Variants in CBLB observed in about 807,000 individuals in gnomAD.
CBLB encodes Cbl proto-oncogene B, also known as E3 ubiquitin-protein ligase CBL-B.
CBLB carries 31 observed loss-of-function variants against 104.9 expected under a neutral mutation model. The observed-to-expected ratio is 0.30, with a 90% confidence interval of 0.22 to 0.40. CBLB has a LOEUF of 0.40. Ranked by LOEUF, CBLB falls within the 10% of genes least tolerant of loss-of-function variation. CBLB has a pLI of 1.00. For missense variants in CBLB, 1,062 were observed against 1,214.6 expected, an observed-to-expected ratio of 0.87 and a Z score of 1.87; for synonymous variants, 440 against 422.6, an observed-to-expected ratio of 1.04 and a Z score of -0.51.
At chr3:105,730,662 T>C (rs1328407222) in intron 9 of CBLB, among the ~76,000 whole-genome samples, 1 of 152,080 alleles carries the variant, frequency 6.6e-6, no homozygotes, top group Non-Finnish European at 1.5e-5. Flanking sequence ...ATCAGGAGGA[T>C]GCTTATTAAT....
In CBLB at chr3:105,840,279, T is replaced by G. The variant is rs532839056; in HGVS notation, c.419+13135A>C. The stretch of plus-strand genomic sequence containing the variant: ...ACAAGTAATATTTCACACATGTATA[T>G]ACATAAACAGAGTGAGAAAGGAAGA... On this transcript the variant is annotated intron_variant, in intron 3 of 18. Transcript: ENST00000394030. 1.6e-3 allele frequency among the ~76,000 whole-genome samples: 246 copies of G among 152,096 alleles called. 1 individual carries two copies. Among genetic ancestry groups the G allele is most frequent in the African/African-American group, 4.5e-3 (185 of 41,482 alleles).
chr3:105,718,429 T>C (rs558973048), intron 10 of CBLB, among the ~76,000 whole-genome samples: 1 of 152,276 alleles, frequency 6.6e-6, no homozygotes, highest in Non-Finnish European at 1.5e-5. Context: ...TTGGTCAGCA[T>C]GGAACATTGG....
chr3:105,861,289 TTTAC>T (rs1334956264), intron 2 of CBLB, among the ~76,000 whole-genome samples: 5 of 152,166 alleles, frequency 3.3e-5, no homozygotes, highest in Non-Finnish European at 5.9e-5. Flanking sequence ...ATTTTAATTT[TTTAC>T]TTATTTACCC....
rs1179811368 is a variant in CBLB at position 105,867,434 on chromosome 3, C to T, written c.144G>A (p.Lys48=). Residue 48 remains lysine, a synonymous_variant, in exon 2 of 19, where the codon AAG becomes AAA. Coordinates refer to ENST00000394030, the MANE Select transcript of CBLB (RefSeq NM_170662.5). Reference sequence around the variant, plus strand: ...CCACTTTGTCCATGAGCTTCCAAGTCTTCTCCACGGTCCTGCGATCTGCGG... The same window carrying T: ...CCACTTTGTCCATGAGCTTCCAAGTTTTCTCCACGGTCCTGCGATCTGCGG... ...QAAADRRTVE[K]TWKLMDKVVR... 4 of 1,614,190 alleles carry T rather than the reference C, an allele frequency of 2.5e-6. No homozygotes were observed. Among genetic ancestry groups the T allele is most frequent in the East Asian group, 4.5e-5 (2 of 44,882 alleles).
chr3:105,693,208 C>T (rs973974672), intron 13 of CBLB, among the ~76,000 whole-genome samples: 2 of 151,912 alleles, frequency 1.3e-5, no homozygotes, highest in Admixed American at 1.3e-4. Flanking sequence ...TGAAGGGATA[C>T]CTCATTGTGC....
chr3:105,855,737 T>C (rs781692758), intron 2 of CBLB, among the ~76,000 whole-genome samples: 2 of 152,204 alleles, frequency 1.3e-5, no homozygotes, highest in Non-Finnish European at 2.9e-5. Context: ...AAAACTAGTC[T>C]AGATTATTTC....
chr3:105,869,176 C>A, upstream of CBLB: 1 of 605,570 alleles, frequency 1.7e-6, no homozygotes, highest in Non-Finnish European at 2.7e-6. Flanking sequence ...GCCCCGTCCA[C>A]GTCCTCCACA....
chr3:105,744,364 A>T (rs1257969175), intron 6 of CBLB, among the ~76,000 whole-genome samples: 1 of 152,226 alleles, frequency 6.6e-6, no homozygotes, highest in East Asian at 1.9e-4. Flanking sequence ...AGTAAAAACT[A>T]TGGAAAAATC....
At chr3:105,680,289 T>C (rs1281779434) in intron 16 of CBLB, among the ~76,000 whole-genome samples, 2 of 151,750 alleles carry the variant, frequency 1.3e-5, no homozygotes, top group East Asian at 3.9e-4. Context: ...TAAGAAGACC[T>C]AGAAAAAGGT....
Position 105,786,065 on chromosome 3 carries a change from G to GGGT in CBLB, c.420-9524_420-9523insACC, listed in dbSNP as rs1553794734. Among the ~76,000 whole-genome samples the GGGT allele has an allele frequency of 6.5e-5, 9 of 139,272 alleles. No individual in the cohort carries two copies. The South Asian group carries it at 9.5e-4, about 15-fold the overall frequency. 91.4% of individuals were successfully genotyped at this position (139,272 alleles called of 152,430 possible). A position where few individuals can be genotyped will look rare whatever the true frequency, so the allele number is the denominator to read the frequency against. On this transcript the variant is annotated intron_variant, in intron 3 of 18. Coordinates refer to ENST00000394030, the MANE Select transcript of CBLB (RefSeq NM_170662.5). The stretch of plus-strand genomic sequence containing the variant: ...CATAACACTGTGTGAGAGGATCGGG[G>GGGT]GGGGGAAAGTGGGTAAAATGAAAGT...
intron 18 of CBLB, among the ~76,000 whole-genome samples, chr3:105,664,495 C>T (rs942599663): frequency 6.6e-6 from 1 of 152,144 alleles, no homozygotes; most frequent in African/African-American, 2.4e-5. Flanking sequence ...GAAGGCTGCA[C>T]TTGAAAATGG....
At chr3:105,685,589 T>A in intron 13 of CBLB, 123 bp from the exon 14 acceptor site, 1 of 784,046 alleles carries the variant, frequency 1.3e-6, no homozygotes, top group East Asian at 2.7e-5. Flanking sequence ...AATTACAGGG[T>A]ATCATCAGAG....
intron 3 of CBLB, among the ~76,000 whole-genome samples, chr3:105,833,981 A>G (rs1017561507): frequency 2.0e-5 from 3 of 152,078 alleles, no homozygotes; most frequent in Non-Finnish European, 4.4e-5. Context: ...TTGCCCTCTG[A>G]AAAAATCTCT....
intron 17 of CBLB, among the ~76,000 whole-genome samples, chr3:105,675,913 AGG>A: frequency 6.7e-6 from 1 of 150,346 alleles, no homozygotes; most frequent in Admixed American, 6.6e-5. Context: ...AAAGTCATAA[AGG>A]ATCTGGTACC....
intron 5 of CBLB, chr3:105,749,769 TAAAG>T (rs1419083999): frequency 3.2e-6 from 1 of 309,664 alleles, no homozygotes; most frequent in Non-Finnish European, 6.5e-6. Flanking sequence ...CAGAAACCTT[TAAAG>T]AAAGGAGAGG....
intron 4 of CBLB, among the ~76,000 whole-genome samples, chr3:105,769,253 G>T (rs1056317737): frequency 2.6e-5 from 4 of 152,136 alleles, no homozygotes; most frequent in African/African-American, 4.8e-5. Context: ...AGGAGGCAGA[G>T]GTTGCAGTGA....
At chr3:105,763,578 T>C (rs11915926) in intron 4 of CBLB, among the ~76,000 whole-genome samples, 38,574 of 152,134 alleles carry the variant, frequency 0.25, 5,123 homozygotes, top group Non-Finnish European at 0.28. Flanking sequence ...GATTGTGAGG[T>C]CTCCCTAGTC....
intron 4 of CBLB, among the ~76,000 whole-genome samples, chr3:105,757,555 G>A (rs1420273855): frequency 6.6e-6 from 1 of 152,114 alleles, no homozygotes; most frequent in Non-Finnish European, 1.5e-5. Flanking sequence ...CATGGATTAT[G>A]TTTACTTCAT....
intron 3 of CBLB, among the ~76,000 whole-genome samples, chr3:105,841,560 C>G (rs1054107472): frequency 6.6e-6 from 1 of 151,824 alleles, no homozygotes; most frequent in Non-Finnish European, 1.5e-5. Context: ...TCACGCCATT[C>G]TCCTGCCTCA....
Sources: gnomAD v4.1 joint callset for allele counts (sites outside exome capture counted in the v4.1 genomes callset) on GRCh38, gnomAD v4.1.1 for gene constraint, MANE v1.5 for transcripts, NCBI Gene and HGNC (gene_info 2026-07-23, HGNC 2026-07-21) for gene names.